FARP1: variants seen among roughly 807,000 people sequenced by gnomAD.
The protein encoded by FARP1 is FERM, ARH/RhoGEF and pleckstrin domain protein 1, also known as FERM, ARHGEF and pleckstrin domain-containing protein 1.
In FARP1, 52 loss-of-function variants were observed where a neutral mutation model predicts 128.8. The observed-to-expected ratio is 0.40, with a 90% CI of 0.32 to 0.51. The LOEUF is 0.51. Among genes scored for constraint, FARP1 ranks in the 20% least tolerant of loss-of-function variants. The pLI is 0.45. For synonymous variants in FARP1, 580 were observed against 551.8 expected (o/e 1.05, Z -0.72); for missense variants, 1,333 against 1,367.9 (o/e 0.97, Z 0.40).
chr13:98,446,841 AG>A, intron 26 of FARP1, 24 bp downstream of exon 26: 2 of 1,612,606 alleles, frequency 1.2e-6, no homozygotes, highest in Non-Finnish European at 1.7e-6. Context: ...TCCCACGCAC[AG>A]GGCCCTGCAG....
chr13:98,210,059 A>G (rs1470702704), intron 1 of FARP1, among the ~76,000 whole-genome samples: 2 of 151,840 alleles, frequency 1.3e-5, no homozygotes, highest in South Asian at 4.2e-4. Flanking sequence ...TTGATACTAT[A>G]GTACAATGTA....
intron 2 of FARP1, among the ~76,000 whole-genome samples, chr13:98,277,600 C>A (rs1403378588): frequency 1.3e-5 from 2 of 152,156 alleles, no homozygotes; most frequent in Non-Finnish European, 2.9e-5. Flanking sequence ...AGGGGTGAGG[C>A]CTTCTGGGAG....
chr13:98,311,622 A>G (rs1162154138), intron 2 of FARP1, among the ~76,000 whole-genome samples: 1 of 152,048 alleles, frequency 6.6e-6, no homozygotes, highest in Non-Finnish European at 1.5e-5. Flanking sequence ...TGGCTTTTCA[A>G]TGCAATCCCA....
At chr13:98,167,067 C>T (rs1409914045) in intron 1 of FARP1, among the ~76,000 whole-genome samples, 9 of 152,082 alleles carry the variant, frequency 5.9e-5, no homozygotes, top group Non-Finnish European at 1.0e-4. Flanking sequence ...TCTTACTACT[C>T]GTTGTGGTTG....
At chr13:98,254,965 T>C (rs1486495976) in intron 2 of FARP1, among the ~76,000 whole-genome samples, 1 of 151,970 alleles carries the variant, frequency 6.6e-6, no homozygotes, top group Non-Finnish European at 1.5e-5. Context: ...TTAAAGGTTA[T>C]TTTGCATTGA....
At chr13:98,189,386 G>A (rs564451310) in intron 1 of FARP1, among the ~76,000 whole-genome samples, 1 of 151,798 alleles carries the variant, frequency 6.6e-6, no homozygotes, top group Non-Finnish European at 1.5e-5. Context: ...ACCATGGACT[G>A]TTTCAGACCA....
chr13:98,231,697 C>T lies in FARP1; in HGVS notation c.171+18284C>T, dbSNP rs545609655. On this transcript the variant is annotated intron_variant, in intron 2 of 26. Transcript: ENST00000319562. ...AAGGTGATCTGTCTGCCTTGGCCTC[C>T]GAAAGTGTTGGTGAGCCACCACACC... Among the ~76,000 whole-genome samples the T allele has an allele frequency of 3.9e-5, 6 of 152,156 alleles. No individual in the cohort carries two copies. In the South Asian group the frequency reaches 6.2e-4, roughly 16 times the overall value.
intron 2 of FARP1, among the ~76,000 whole-genome samples, chr13:98,221,701 A>G (rs964473826): frequency 4.6e-5 from 7 of 152,148 alleles, no homozygotes; most frequent in African/African-American, 1.7e-4. Flanking sequence ...CTTAGCTTCA[A>G]AACTTTTCCA....
At chr13:98,337,997 ATTCT>A (rs1887813807) in intron 2 of FARP1, among the ~76,000 whole-genome samples, 1 of 152,142 alleles carries the variant, frequency 6.6e-6, no homozygotes, top group Admixed American at 6.5e-5. Context: ...AAGAAAATAG[ATTCT>A]TTGTTTTCTT....
chr13:98,298,098 G>T (rs1178944731), intron 2 of FARP1, among the ~76,000 whole-genome samples: 2 of 152,302 alleles, frequency 1.3e-5, no homozygotes, highest in Middle Eastern at 3.4e-3. Context: ...ACTGTGATGG[G>T]AACTGCCCCA....
At chr13:98,190,732 AG>A (rs1338003371) in intron 1 of FARP1, among the ~76,000 whole-genome samples, 1 of 115,886 alleles carries the variant, frequency 8.6e-6, no homozygotes, top group Admixed American at 1.0e-4. Context: ...CAGCTTTTTA[AG>A]TTTTTTTTTT....
At chr13:98,408,345 T>TTG (rs1891056629) in intron 13 of FARP1, among the ~76,000 whole-genome samples, 1 of 148,644 alleles carries the variant, frequency 6.7e-6, no homozygotes, top group African/African-American at 2.5e-5. Context: ...TTTTTTTTTT[T>TTG]GAGACAGAGT....
At chr13:98,430,532 C>T (rs1891970318) in intron 17 of FARP1, among the ~76,000 whole-genome samples, 2 of 152,226 alleles carry the variant, frequency 1.3e-5, no homozygotes, top group Admixed American at 1.3e-4. Flanking sequence ...CGCTGTCTGA[C>T]TCTCATCCAT....
intron 1 of FARP1, among the ~76,000 whole-genome samples, chr13:98,197,896 A>G (rs1458336782): frequency 6.6e-6 from 1 of 152,054 alleles, no homozygotes; most frequent in Non-Finnish European, 1.5e-5. Flanking sequence ...CGTCCTCCCA[A>G]AGTGCTGAGA....
intron 2 of FARP1, among the ~76,000 whole-genome samples, chr13:98,276,829 A>ACC (rs1884674631): frequency 6.6e-6 from 1 of 152,154 alleles, no homozygotes; most frequent in Non-Finnish European, 1.5e-5. Flanking sequence ...GGAGTCCTCC[A>ACC]CCCCTGCCAC....
chr13:98,218,882 A>G (rs188619271), intron 2 of FARP1, among the ~76,000 whole-genome samples: 5 of 152,320 alleles, frequency 3.3e-5, no homozygotes, highest in Admixed American at 2.6e-4. Context: ...GAGAAGACCT[A>G]AAGTTTTTGA....
At chr13:98,435,530 C>T (rs769777847) in intron 18 of FARP1, 46 bp from the exon 19 acceptor site, 9 of 1,570,188 alleles carry the variant, frequency 5.7e-6, no homozygotes, top group Non-Finnish European at 7.8e-6. Flanking sequence ...GGGAAGACCC[C>T]TGCCTGCCTT....
chr13:98,353,112 G>T (rs74108851), intron 3 of FARP1, among the ~76,000 whole-genome samples: 1,667 of 152,244 alleles, frequency 0.011, 29 homozygotes, highest in African/African-American at 0.038. Context: ...CAAGGGGATG[G>T]TGCGAAGCCA....
chr13:98,251,694 AAAG>A, intron 2 of FARP1, among the ~76,000 whole-genome samples: 1 of 152,014 alleles, frequency 6.6e-6, no homozygotes, highest in South Asian at 2.1e-4. Context: ...AAAAAAAAAA[AAAG>A]AAAAAAAAGT....
Sources: allele counts gnomAD v4.1 joint callset (sites outside exome capture counted in the v4.1 genomes callset), GRCh38; gene constraint gnomAD v4.1.1; transcripts MANE v1.5; gene names NCBI Gene and HGNC (gene_info 2026-07-23, HGNC 2026-07-21).